The following GALNT17 variants were observed in gnomAD, a reference collection of about 807,000 sequenced individuals.
The protein encoded by GALNT17 is polypeptide N-acetylgalactosaminyltransferase 17.
GALNT17 carries 29 observed loss-of-function variants against 63.7 expected under a neutral mutation model. The ratio of observed to expected loss-of-function variants is 0.46; its 90% CI spans 0.34 to 0.62. GALNT17 has a LOEUF of 0.62. Ranked by LOEUF, GALNT17 falls within the 20% of genes least tolerant of loss-of-function variation. The probability of loss-of-function intolerance (pLI) is 0.01; values close to 1 mark genes in which losing one functional copy is unlikely to be tolerated. For missense variants in GALNT17, 603 were observed against 799.6 expected, an observed-to-expected ratio of 0.75 and a Z score of 2.97; for synonymous variants, 305 against 318.3, an observed-to-expected ratio of 0.96 and a Z score of 0.45.
chr7:71,457,497 G>C (rs1444975488), intron 5 of GALNT17, among the ~76,000 whole-genome samples: 1 of 152,218 alleles, frequency 6.6e-6, no homozygotes, highest in African/African-American at 2.4e-5. Flanking sequence ...AGGAATAAAA[G>C]AATGGCTACT....
At chr7:71,347,028 C>T (rs1005467657) in intron 2 of GALNT17, among the ~76,000 whole-genome samples, 3 of 151,840 alleles carry the variant, frequency 2.0e-5, no homozygotes. Context: ...CGAGGAGGAA[C>T]GTTATTTGCT....
chr7:71,560,756 T>G (rs1319171526), intron 5 of GALNT17, among the ~76,000 whole-genome samples: 1 of 152,106 alleles, frequency 6.6e-6, no homozygotes, highest in Non-Finnish European at 1.5e-5. Flanking sequence ...ATATAGGGTT[T>G]AGGAAGAAAC....
chr7:71,512,480 C>T (rs6460659), intron 5 of GALNT17, among the ~76,000 whole-genome samples: 150,589 of 152,286 alleles, frequency 0.99, 74,468 homozygotes, highest in East Asian at 1. Context: ...ACCTCCAAGT[C>T]GTCCACCAGC....
chr7:71,377,225 A>G (rs1792760073), intron 2 of GALNT17, among the ~76,000 whole-genome samples: 1 of 150,008 alleles, frequency 6.7e-6, no homozygotes, highest in South Asian at 2.1e-4. Context: ...ATATCAGGCC[A>G]AGGAAAGCTG....
chr7:71,555,615 G>T (rs1250711040), intron 5 of GALNT17, among the ~76,000 whole-genome samples: 1 of 151,810 alleles, frequency 6.6e-6, no homozygotes, highest in Non-Finnish European at 1.5e-5. Context: ...TTTGGCATTG[G>T]AACTATCCCA....
chr7:71,681,022 C>T (rs981297519), intron 9 of GALNT17, among the ~76,000 whole-genome samples: 1 of 152,086 alleles, frequency 6.6e-6, no homozygotes, highest in Non-Finnish European at 1.5e-5. Context: ...GCCTCAGCCT[C>T]CTTAGTAGCT....
chr7:71,164,523 CTA>C (rs1195376928), intron 1 of GALNT17, among the ~76,000 whole-genome samples: 1 of 152,212 alleles, frequency 6.6e-6, no homozygotes, highest in Non-Finnish European at 1.5e-5. Flanking sequence ...CAGAGCCAAA[CTA>C]TATCATTGTC....
chr7:71,371,497 C>A (rs1164520990), intron 2 of GALNT17, among the ~76,000 whole-genome samples: 1 of 151,960 alleles, frequency 6.6e-6, no homozygotes, highest in Non-Finnish European at 1.5e-5. Context: ...TCTAATTGTG[C>A]TCTTTGAGTT....
At chr7:71,396,058 G>T (rs1367714787) in intron 3 of GALNT17, among the ~76,000 whole-genome samples, 1 of 151,922 alleles carries the variant, frequency 6.6e-6, no homozygotes, top group Non-Finnish European at 1.5e-5. Flanking sequence ...CTCTCTTTCT[G>T]TGGGTTGTCT....
At chr7:71,363,795 G>C (rs1234246257) in intron 2 of GALNT17, among the ~76,000 whole-genome samples, 2 of 152,180 alleles carry the variant, frequency 1.3e-5, no homozygotes, top group Non-Finnish European at 2.9e-5. Flanking sequence ...ACAGAAGCAA[G>C]GTAGAGAAGC....
At chr7:71,635,896 A>C (rs191353707) in intron 6 of GALNT17, among the ~76,000 whole-genome samples, 1 of 152,106 alleles carries the variant, frequency 6.6e-6, no homozygotes. Flanking sequence ...TCTCGTCACC[A>C]TCTTGGTTTT....
chr7:71,365,112 C>G (rs1306679775), intron 2 of GALNT17, among the ~76,000 whole-genome samples: 1 of 151,804 alleles, frequency 6.6e-6, no homozygotes, highest in Non-Finnish European at 1.5e-5. Context: ...TTTGTATTTT[C>G]AGTAGATACT....
At chr7:71,520,982 A>G (rs1788520944) in intron 5 of GALNT17, among the ~76,000 whole-genome samples, 2 of 152,196 alleles carry the variant, frequency 1.3e-5, no homozygotes, top group South Asian at 4.1e-4. Flanking sequence ...CAGTCTTCAG[A>G]CACTGTCAGA....
At chr7:71,402,170 A>G (rs767396018) in intron 3 of GALNT17, among the ~76,000 whole-genome samples, 8 of 152,238 alleles carry the variant, frequency 5.3e-5, no homozygotes, top group Non-Finnish European at 1.2e-4. Flanking sequence ...ACATAGTGCA[A>G]GTCCTAACAA....
At chr7:71,412,401 C>T (rs1352938379) in intron 3 of GALNT17, among the ~76,000 whole-genome samples, 14 of 151,072 alleles carry the variant, frequency 9.3e-5, no homozygotes, top group African/African-American at 2.4e-4. Context: ...GACGGAGTCT[C>T]GCTCTGTTGC....
At chr7:71,628,362 G>A (rs892961843) in intron 6 of GALNT17, among the ~76,000 whole-genome samples, 3 of 151,338 alleles carry the variant, frequency 2.0e-5, no homozygotes, top group Admixed American at 6.6e-5. Flanking sequence ...CACTTTTGTC[G>A]ACCAGACTGG....
At chr7:71,136,603 A>G (rs1422500175) in intron 1 of GALNT17, among the ~76,000 whole-genome samples, 1 of 151,710 alleles carries the variant, frequency 6.6e-6, no homozygotes, top group Non-Finnish European at 1.5e-5. Flanking sequence ...TTCCTGCCTC[A>G]GCTCCCGAGT....
rs189243019 is a variant in GALNT17 at position 71,480,218 on chromosome 7, T to C, written c.962+59113T>C. Among the ~76,000 whole-genome samples, 345 of 131,720 alleles carry C rather than the reference T, an allele frequency of 2.6e-3. 1 individual carries two copies. The highest frequency in any genetic ancestry group is 4.3e-3 in the Non-Finnish European group (276 of 64,884). 86.4% of individuals were successfully genotyped at this position (131,720 alleles called of 152,430 possible). ...GCTCTCTCTGTCACTCAGGCTGGAGTGCAATGGTGCAATCTCAGCTCACTT... is the reference window on the plus strand; with the variant it reads ...GCTCTCTCTGTCACTCAGGCTGGAGCGCAATGGTGCAATCTCAGCTCACTT... On this transcript the variant is annotated intron_variant, in intron 5 of 10. Coordinates refer to ENST00000333538, the MANE Select transcript of GALNT17 (RefSeq NM_022479.3).
At chr7:71,476,406 C>T (rs1787723257) in intron 5 of GALNT17, among the ~76,000 whole-genome samples, 2 of 151,818 alleles carry the variant, frequency 1.3e-5, no homozygotes, top group Non-Finnish European at 2.9e-5. Flanking sequence ...AACGAATATC[C>T]CGGAGAGCGT....
Sources: allele counts gnomAD v4.1 joint callset (sites outside exome capture counted in the v4.1 genomes callset), GRCh38; gene constraint gnomAD v4.1.1; transcripts MANE v1.5; gene names NCBI Gene and HGNC (gene_info 2026-07-23, HGNC 2026-07-21).